PRPSAP2: variants seen among roughly 807,000 people sequenced by gnomAD.
The protein encoded by PRPSAP2 is phosphoribosyl pyrophosphate synthetase associated protein 2, also known as phosphoribosyl pyrophosphate synthase-associated protein 2.
Under a neutral mutation model 40.6 loss-of-function variants are expected in PRPSAP2, and 24 were observed. The observed-to-expected ratio is 0.59, with a 90% CI of 0.43 to 0.83. The LOEUF (loss-of-function observed/expected upper bound fraction) is 0.83. PRPSAP2 is among the 40% of genes least tolerant of loss of function. PRPSAP2 has a pLI of 0.00. For missense variants in PRPSAP2, 292 were observed against 465.6 expected (o/e 0.63, Z 3.43); for synonymous variants, 149 against 164.7 (o/e 0.90, Z 0.73).
intron 10 of PRPSAP2, 71 bp downstream of exon 10, chr17:18,924,055 A>ATTGG: frequency 1.5e-6 from 2 of 1,366,912 alleles, no homozygotes; most frequent in Non-Finnish European, 2.1e-6. Context: ...TGATTGATTG[A>ATTGG]TTTTATTACA....
upstream of PRPSAP2, chr17:18,857,895 CCT>C (rs1268745800): frequency 6.6e-6 from 1 of 152,340 alleles, no homozygotes; most frequent in Non-Finnish European, 1.5e-5. Context: ...CACATTCATT[CCT>C]TGTAACCTGC....
At chr17:18,860,593 G>T (rs146566163) in intron 1 of PRPSAP2, 1 of 152,352 alleles carries the variant, frequency 6.6e-6, no homozygotes, top group East Asian at 1.9e-4. Flanking sequence ...GAAGGTAAAG[G>T]CTGAGGCCCA....
chr17:18,872,472 G>C, intron 4 of PRPSAP2, 111 bp from the exon 5 acceptor site: 1 of 792,080 alleles, frequency 1.3e-6, no homozygotes, highest in South Asian at 1.7e-5. Flanking sequence ...TCTTATAACA[G>C]TTTGAGTTGC....
intron 7 of PRPSAP2, among the ~76,000 whole-genome samples, chr17:18,883,118 C>A (rs564755756): frequency 6.6e-6 from 1 of 152,236 alleles, no homozygotes; most frequent in African/African-American, 2.4e-5. Flanking sequence ...CTGTCCTATC[C>A]CCCTGCCTCC....
intron 8 of PRPSAP2, among the ~76,000 whole-genome samples, chr17:18,901,105 GC>G (rs1378813096): frequency 3.9e-5 from 6 of 152,110 alleles, no homozygotes; most frequent in Non-Finnish European, 2.9e-5. Context: ...GGAAACGTGG[GC>G]TGTGGCTTTC....
chr17:18,908,231 T>G, intron 8 of PRPSAP2: 1 of 726,324 alleles, frequency 1.4e-6, no homozygotes, highest in Non-Finnish European at 2.6e-6. Flanking sequence ...ACGGGAGGCC[T>G]TGAAGCCAGT....
chr17:18,924,438 G>A (rs1486421065), intron 10 of PRPSAP2, among the ~76,000 whole-genome samples: 1 of 152,140 alleles, frequency 6.6e-6, no homozygotes, highest in Non-Finnish European at 1.5e-5. Flanking sequence ...GTTTGCTTTG[G>A]CCCAGAAATT....
intron 9 of PRPSAP2, 81 bp from the exon 10 acceptor site, chr17:18,923,833 A>T: frequency 7.9e-7 from 1 of 1,260,984 alleles, no homozygotes; most frequent in Non-Finnish European, 1.1e-6. Flanking sequence ...GAATGTTTTT[A>T]TCTTGAGATA....
rs747008799 is a variant in PRPSAP2, at chr17:18,928,965, G to C, written c.951+8G>C. 6.2e-7 allele frequency: 1 copy of C among 1,611,314 alleles called. No individual in the cohort carries two copies. The highest frequency in any genetic ancestry group is 1.3e-5 in the African/African-American group (1 of 74,922). On this transcript the variant is annotated splice_region_variant and intron_variant, in intron 11 of 11. Transcript: ENST00000268835. ...GAGTCTGCCATTGATGAGGTAACAG[G>C]GTCTGGGTGTGTGTGGGTACAGCTG...
Position 18,911,370 on chromosome 17 carries a change from A to T in PRPSAP2, c.733+119A>T. 1 of 1,234,766 alleles carries T rather than the reference A, an allele frequency of 8.1e-7. No individual in the cohort carries two copies. Among genetic ancestry groups the T allele is most frequent in the South Asian group, 1.8e-5 (1 of 54,798 alleles). The allele number at this position is 1,234,766 out of a possible 1,614,324, so 76.5% of individuals were successfully genotyped here. A position where few individuals can be genotyped will look rare whatever the true frequency, so the allele number is the denominator to read the frequency against. On this transcript the variant is annotated intron_variant, in intron 9 of 11. Transcript: ENST00000268835. The surrounding 1 kb of genome is among the most constrained non-coding windows in gnomAD (Gnocchi z 4.5). ...TTTTAGTTGGCAAAAACTCATTAAC[A>T]CCTTTCTTGGCCAGATAGTAGCGAA...
chr17:18,928,759 C>T, intron 10 of PRPSAP2, 52 bp from the exon 11 acceptor site: 1 of 1,605,444 alleles, frequency 6.2e-7, no homozygotes, highest in East Asian at 2.2e-5. Context: ...GTTGTCTAAC[C>T]TATTATTGTA....
At chr17:18,892,723 G>GTT (rs1280007956) in intron 8 of PRPSAP2, among the ~76,000 whole-genome samples, 1 of 84,994 alleles carries the variant, frequency 1.2e-5, no homozygotes, top group African/African-American at 4.5e-5. Context: ...GTGTGTGTGT[G>GTT]TGTGTATTTA....
chr17:18,885,403 C>CAAAAAAAAA lies in PRPSAP2; in HGVS notation c.528+2738_528+2746dup, dbSNP rs775079199. Among the ~76,000 whole-genome samples, 2 of 10,984 alleles carry CAAAAAAAAA rather than the reference C, an allele frequency of 1.8e-4. 1 individual carries two copies. The highest frequency in any genetic ancestry group is 4.4e-4 in the African/African-American group (2 of 4,542). The allele number at this position is 10,984 out of a possible 152,430, so 7.2% of individuals were successfully genotyped here. A position where few individuals can be genotyped will look rare whatever the true frequency, so the allele number is the denominator to read the frequency against. On this transcript the variant is annotated intron_variant, in intron 7 of 11. Transcript: ENST00000268835. ...GGCGACAGAGTGAGATTCCTTCTCA[C>CAAAAAAAAA]AAAAAAAAAAAAAAAAAAAAAAAAA...
chr17:18,873,271 G>A (rs1403945680), intron 5 of PRPSAP2, among the ~76,000 whole-genome samples: 3 of 139,754 alleles, frequency 2.1e-5, no homozygotes, highest in East Asian at 4.5e-4. Flanking sequence ...TCGGCTTACC[G>A]CAACCTCAGC....
chr17:18,893,253 A>T (rs1412557203), intron 8 of PRPSAP2, among the ~76,000 whole-genome samples: 2 of 149,768 alleles, frequency 1.3e-5, no homozygotes, highest in African/African-American at 4.9e-5. Context: ...GGTACAAGCG[A>T]GTCTCCTGCC....
At chr17:18,883,900 A>AT in intron 7 of PRPSAP2, among the ~76,000 whole-genome samples, 1 of 152,126 alleles carries the variant, frequency 6.6e-6, no homozygotes, top group East Asian at 1.9e-4. Flanking sequence ...GAGAAAATGA[A>AT]TTTAAGTATT....
At chr17:18,877,232 A>G (rs1293076722) in intron 5 of PRPSAP2, among the ~76,000 whole-genome samples, 1 of 152,192 alleles carries the variant, frequency 6.6e-6, no homozygotes, top group Non-Finnish European at 1.5e-5. Flanking sequence ...AATTGGAGAT[A>G]GTGTAAGATG....
At chr17:18,923,167 G>A (rs1402780791) in intron 9 of PRPSAP2, among the ~76,000 whole-genome samples, 1 of 151,272 alleles carries the variant, frequency 6.6e-6, no homozygotes, top group East Asian at 1.9e-4. Context: ...TCGGCTCACT[G>A]CAAGCTCCAC....
chr17:18,867,393 C>T (rs2037511409), intron 4 of PRPSAP2, 59 bp downstream of exon 4: 2 of 1,547,508 alleles, frequency 1.3e-6, no homozygotes. Flanking sequence ...CATATTGGCT[C>T]CGTCCTTCAT....
Sources: allele counts gnomAD v4.1 joint callset (sites outside exome capture counted in the v4.1 genomes callset), GRCh38; gene constraint gnomAD v4.1.1; non-coding constraint Gnocchi (gnomAD v3.1); transcripts MANE v1.5; gene names NCBI Gene and HGNC (gene_info 2026-07-23, HGNC 2026-07-21).